The following RAD52 variants were observed in gnomAD, a reference collection of about 807,000 sequenced individuals.
RAD52 encodes DNA repair protein RAD52 homolog.
In RAD52, 47 loss-of-function variants were observed where a neutral mutation model predicts 55.5. The observed-to-expected ratio is 0.85, with a 90% CI of 0.67 to 1.08. RAD52 has a LOEUF of 1.08. RAD52 is among the 50% of genes least tolerant of loss of function. The pLI is 0.00. For synonymous variants in RAD52, 184 were observed against 198.9 expected (o/e 0.92, Z 0.63); for missense variants, 468 against 522.8 (o/e 0.90, Z 1.02).
chr12:944,833 C>T (rs1017115060), intron 1 of RAD52, among the ~76,000 whole-genome samples: 65 of 145,482 alleles, frequency 4.5e-4, no homozygotes, highest in Non-Finnish European at 5.1e-4. Context: ...GGCACAATCT[C>T]GGCTCACAAA....
Position 916,646 on chromosome 12 carries a change from T to G in RAD52, c.718A>C (p.Ser240Arg). The G allele has an allele frequency of 6.2e-7, 1 of 1,613,352 alleles. No homozygotes were observed. Among genetic ancestry groups the G allele is most frequent in the Non-Finnish European group, 8.5e-7 (1 of 1,179,508 alleles). ...GGGACTTAGGCCGCATACCGGGAGCTGCAGTCCTGGTCCGCCGGTATCACA... is the reference window on the plus strand; with the variant it reads ...GGGACTTAGGCCGCATACCGGGAGCGGCAGTCCTGGTCCGCCGGTATCACA... ...HAVIPADQDC[S>R]SRSLSSSAVE... Residue 240 changes from serine (S) to arginine (R), a missense_variant, in exon 8 of 12, where the codon AGC becomes CGC. Ser to Arg is a moderately radical substitution (Grantham distance 110). Coordinates refer to ENST00000358495, the MANE Select transcript of RAD52 (RefSeq NM_134424.4).
Position 912,451 on chromosome 12 carries a change from C to T in RAD52, c.*940G>A, listed in dbSNP as rs879180495. On this transcript the variant is annotated 3_prime_UTR_variant, in exon 12 of 12. Transcript: ENST00000358495. ...GACTTGGGTCCCATCCCCAAGGTCT[C>T]ATTATGTGTATACAAATATTCAAAA... 1.0e-5 allele frequency: 2 copies of T among 198,684 alleles called. No individual in the cohort carries two copies. Among genetic ancestry groups the T allele is most frequent in the Middle Eastern group, 1.5e-3 (1 of 646 alleles). 12.3% of individuals were successfully genotyped at this position (198,684 alleles called of 1,614,324 possible).
intron 1 of RAD52, among the ~76,000 whole-genome samples, chr12:966,606 T>C (rs1958774177): frequency 6.6e-6 from 1 of 152,066 alleles, no homozygotes; most frequent in Admixed American, 6.5e-5. Flanking sequence ...TGACTTACAG[T>C]CAGTGCACTT....
At chr12:939,961 G>A (rs900166430) in intron 1 of RAD52, among the ~76,000 whole-genome samples, 1 of 152,118 alleles carries the variant, frequency 6.6e-6, no homozygotes, top group African/African-American at 2.4e-5. Context: ...TGTAATCCCA[G>A]CTATTCGGGA....
chr12:988,176 T>C (rs1257880130), intron 1 of RAD52, among the ~76,000 whole-genome samples: 1 of 152,238 alleles, frequency 6.6e-6, no homozygotes, highest in African/African-American at 2.4e-5. Context: ...GGTCTCATTA[T>C]GTTGCCCAGG....
rs553086541 is a variant in RAD52, at chr12:913,748, A to T, written c.1195+146T>A. ...AAGGAAACGTTCTGGCTCTTAAATC[A>T]ATTCTGTTCTACTTGCAGTACCATT... is the stretch of plus-strand genomic sequence containing the variant. On this transcript the variant is annotated intron_variant, in intron 11 of 11. Coordinates refer to ENST00000358495, the MANE Select transcript of RAD52 (RefSeq NM_134424.4). The T allele has an allele frequency of 1.0e-5, 8 of 790,556 alleles. 1 individual carries two copies. The highest frequency in any genetic ancestry group is 9.2e-5 in the South Asian group (5 of 54,604). 49.0% of individuals were successfully genotyped at this position (790,556 alleles called of 1,614,324 possible).
chr12:934,668 T>C (rs10849594), intron 1 of RAD52, among the ~76,000 whole-genome samples: 25,829 of 152,076 alleles, frequency 0.17, 2,218 homozygotes, highest in South Asian at 0.23. Context: ...GTGGTGGATA[T>C]GTGAATTACC....
chr12:931,353 A>G (rs747321188), intron 2 of RAD52, 32 bp from the exon 3 acceptor site: 1 of 1,472,312 alleles, frequency 6.8e-7, no homozygotes, highest in South Asian at 1.2e-5. Context: ...TTAAATTCAC[A>G]CTTCCACCAT....
upstream of RAD52, among the ~76,000 whole-genome samples, chr12:951,637 T>C (rs1958530052): frequency 6.6e-6 from 1 of 152,228 alleles, no homozygotes; most frequent in South Asian, 2.1e-4. Flanking sequence ...TTACCTGTCT[T>C]TTCAAAGAAC....
chr12:920,384 G>A lies in RAD52; in HGVS notation c.544-3564C>T, dbSNP rs1956655398. 4.0e-5 allele frequency among the ~76,000 whole-genome samples: 3 copies of A among 75,818 alleles called. 1 individual carries two copies. Among genetic ancestry groups the A allele is most frequent in the Admixed American group, 3.5e-4 (3 of 8,464 alleles). The allele number at this position is 75,818 out of a possible 152,430, so 49.7% of individuals were successfully genotyped here. A position where few individuals can be genotyped will look rare whatever the true frequency, so the allele number is the denominator to read the frequency against. ...ATCCTGGCTAACATGGTGAAACCCC[G>A]TCTCTACTAAAAATACAAAAAATTA... On this transcript the variant is annotated intron_variant, in intron 7 of 11. Transcript: ENST00000358495.
At chr12:964,679 A>G (rs1310187375) in intron 1 of RAD52, among the ~76,000 whole-genome samples, 1 of 152,064 alleles carries the variant, frequency 6.6e-6, no homozygotes, top group Non-Finnish European at 1.5e-5. Context: ...TCTGAACTCA[A>G]GAGATCCTCT....
intron 1 of RAD52, among the ~76,000 whole-genome samples, chr12:977,662 G>A (rs949777160): frequency 1.3e-5 from 2 of 152,204 alleles, no homozygotes; most frequent in South Asian, 2.1e-4. Context: ...GTAGGTAACG[G>A]GGAAGTGAGA....
chr12:957,171 T>G (rs1422117036), intron 1 of RAD52, among the ~76,000 whole-genome samples: 1 of 151,976 alleles, frequency 6.6e-6, no homozygotes, highest in African/African-American at 2.4e-5. Flanking sequence ...GAATTACCAT[T>G]TTGAGGCTGG....
At chr12:946,668 G>A (rs1958244323) in intron 1 of RAD52, among the ~76,000 whole-genome samples, 1 of 152,048 alleles carries the variant, frequency 6.6e-6, no homozygotes, top group Admixed American at 6.6e-5. Flanking sequence ...ATCACCAAAA[G>A]CACAAAAATA....
chr12:971,973 C>G (rs1958864404), intron 1 of RAD52, among the ~76,000 whole-genome samples: 1 of 152,152 alleles, frequency 6.6e-6, no homozygotes, highest in South Asian at 2.1e-4. Context: ...TGGTCTCGAT[C>G]TCCTGACCTC....
At chr12:939,936 G>A (rs189979866) in intron 1 of RAD52, among the ~76,000 whole-genome samples, 5 of 152,140 alleles carry the variant, frequency 3.3e-5, no homozygotes, top group South Asian at 2.1e-4. Flanking sequence ...TTAGGTGGGC[G>A]TGGTTGTGTG....
chr12:981,314 C>T (rs943240021), intron 1 of RAD52, among the ~76,000 whole-genome samples: 3 of 152,106 alleles, frequency 2.0e-5, no homozygotes, highest in African/African-American at 7.2e-5. Context: ...GCCTGGGTGA[C>T]AGAGTGCAAC....
chr12:935,853 CAAAAAAATAAATAAATAAATAAATAAAT>C (rs1488805947), intron 1 of RAD52, among the ~76,000 whole-genome samples: 17 of 143,042 alleles, frequency 1.2e-4, no homozygotes, highest in African/African-American at 2.9e-4. Flanking sequence ...AACTCCGTCT[CAAAAAAATAAATAAATAAATAAATAAAT>C]AAATAAATAA....
At chr12:930,937 C>G (rs1461484789) in intron 3 of RAD52, among the ~76,000 whole-genome samples, 1 of 151,010 alleles carries the variant, frequency 6.6e-6, no homozygotes, top group Non-Finnish European at 1.5e-5. Context: ...ACTGGTCGGA[C>G]TCCAGCCTAG....
Sources: allele counts gnomAD v4.1 joint callset (sites outside exome capture counted in the v4.1 genomes callset), GRCh38; gene constraint gnomAD v4.1.1; transcripts MANE v1.5; gene names NCBI Gene and HGNC (gene_info 2026-07-23, HGNC 2026-07-21).